AVEN: variants seen among roughly 807,000 people sequenced by gnomAD.
The protein encoded by AVEN is cell death regulator Aven.
A neutral mutation model predicts 38.1 loss-of-function variants in AVEN; 41 were observed. That is an observed-to-expected ratio of 1.08 (90% CI 0.84 to 1.40). AVEN has a LOEUF of 1.40. Among genes scored for constraint, AVEN ranks in the 40% most tolerant of loss-of-function variants. AVEN has a pLI of 0.00. For missense variants in AVEN, 605 were observed against 438.8 expected (o/e 1.38, Z -3.38); for synonymous variants, 206 against 171.8 (o/e 1.20, Z -1.56).
Position 33,867,602 on chromosome 15 carries a change from A to C in AVEN, c.866T>G (p.Leu289Trp), listed in dbSNP as rs1176455378. The C allele has an allele frequency of 1.2e-6, 2 of 1,614,212 alleles. No individual in the cohort carries two copies. The highest frequency in any genetic ancestry group is 4.5e-5 in the East Asian group (2 of 44,882). The change falls in exon 5 of 6, where the codon TTG becomes TGG. Residue 289 changes from leucine (L) to tryptophan (W), a missense_variant. Transcript: ENST00000306730. ...TTTTATAGGTGCATCTAAATTAAGC[A>C]ACAGATCTAGTTCTTCTTCCAAATG... ...GDHLEEELDL[L>W]LNLDAPIKEG...
intron 2 of AVEN, among the ~76,000 whole-genome samples, chr15:33,928,112 T>C (rs1893699680): frequency 6.6e-6 from 1 of 152,220 alleles, no homozygotes; most frequent in South Asian, 2.1e-4. Flanking sequence ...AGGCTAAAGA[T>C]TCAGCTCTTT....
chr15:33,990,195 C>T lies in AVEN; in HGVS notation c.445+12837G>A, dbSNP rs570173884. 5.2e-4 allele frequency among the ~76,000 whole-genome samples: 79 copies of T among 151,128 alleles called. 1 individual carries two copies. The highest frequency in any genetic ancestry group is 1.8e-3 in the African/African-American group (74 of 41,090). The stretch of plus-strand genomic sequence containing the variant: ...ATCCAGACTGGGCAACAGGGTGAGA[C>T]TCCGTCTCAAAAAAAAACAAAACAA... On this transcript the variant is annotated intron_variant, in intron 2 of 5. Coordinates refer to ENST00000306730, the MANE Select transcript of AVEN (RefSeq NM_020371.3).
chr15:33,866,502 C>T lies in AVEN; in HGVS notation c.*111G>A, dbSNP rs1890522523. The T allele has an allele frequency of 1.2e-5, 9 of 724,070 alleles. No homozygotes were observed. The highest frequency in any genetic ancestry group is 2.6e-5 in the Admixed American group (1 of 38,912). The allele number at this position is 724,070 out of a possible 1,614,324, so 44.9% of individuals were successfully genotyped here. A position where few individuals can be genotyped will look rare whatever the true frequency, so the allele number is the denominator to read the frequency against. On this transcript the variant is annotated 3_prime_UTR_variant, in exon 6 of 6. Transcript: ENST00000306730. ...ATTTACTGCTGTGAGCATAATGGAA[C>T]ACACTAGCTTGAGACATGCTTGTAA...
chr15:33,861,891 A>G (rs971892721), downstream of AVEN, among the ~76,000 whole-genome samples: 2 of 151,974 alleles, frequency 1.3e-5, no homozygotes, highest in African/African-American at 4.8e-5. Flanking sequence ...TCTCAGTGCT[A>G]GGATTACAGG....
At chr15:33,897,322 G>A (rs1892273746) in intron 2 of AVEN, among the ~76,000 whole-genome samples, 1 of 151,960 alleles carries the variant, frequency 6.6e-6, no homozygotes, top group African/African-American at 2.4e-5. Context: ...TTTTGAGATG[G>A]ACTCACACTC....
At chr15:33,868,076 T>G (rs1438417742) in intron 4 of AVEN, among the ~76,000 whole-genome samples, 1 of 152,134 alleles carries the variant, frequency 6.6e-6, no homozygotes, top group Non-Finnish European at 1.5e-5. Flanking sequence ...GCACTGTGCC[T>G]CCCACTCTCC....
At chr15:34,018,176 T>A in intron 1 of AVEN, 1 of 152,266 alleles carries the variant, frequency 6.6e-6, no homozygotes, top group East Asian at 1.9e-4. Context: ...GAAGGCATTG[T>A]TACATAGGAG....
chr15:33,857,626 G>C (rs538869438), downstream of AVEN, among the ~76,000 whole-genome samples: 1 of 152,078 alleles, frequency 6.6e-6, no homozygotes, highest in Admixed American at 6.5e-5. Context: ...TCTGCTCATG[G>C]CCTGATAGCT....
chr15:33,994,122 A>G (rs540125260), intron 2 of AVEN, among the ~76,000 whole-genome samples: 1 of 152,338 alleles, frequency 6.6e-6, no homozygotes, highest in South Asian at 2.1e-4. Flanking sequence ...ACCGGGCTGC[A>G]TAGCAGGAGG....
At chr15:33,934,861 C>T (rs1230616734) in intron 2 of AVEN, among the ~76,000 whole-genome samples, 1 of 152,192 alleles carries the variant, frequency 6.6e-6, no homozygotes, top group Non-Finnish European at 1.5e-5. Flanking sequence ...TAAATTCTAA[C>T]CTGTTTCCTC....
intron 5 of AVEN, among the ~76,000 whole-genome samples, chr15:34,055,527 C>T (rs1900107321): frequency 6.6e-6 from 1 of 151,082 alleles, no homozygotes; most frequent in South Asian, 2.1e-4. Context: ...ATAGGCTGGG[C>T]ACAGTGGCTC....
chr15:34,003,568 T>G (rs1017522272), intron 1 of AVEN, among the ~76,000 whole-genome samples: 1 of 152,214 alleles, frequency 6.6e-6, no homozygotes, highest in Non-Finnish European at 1.5e-5. Flanking sequence ...AACTCTCCCT[T>G]TCAATTTATG....
At chr15:34,015,478 T>A (rs1043168635) in intron 1 of AVEN, among the ~76,000 whole-genome samples, 1 of 149,178 alleles carries the variant, frequency 6.7e-6, no homozygotes, top group Non-Finnish European at 1.5e-5. Context: ...CGAGACTCCA[T>A]CTCAAAAAAT....
intron 2 of AVEN, among the ~76,000 whole-genome samples, chr15:33,961,812 CAAAAAAAAAAAAAAAAAAAA>C (rs138076873): frequency 1.4e-5 from 1 of 71,966 alleles, no homozygotes; most frequent in Non-Finnish European, 2.4e-5. Context: ...GACTCTGTCT[CAAAAAAAAAAAAAAAAAAAA>C]AAAAAAGAAA....
chr15:34,035,666 A>G (rs1016013480), intron 1 of AVEN, among the ~76,000 whole-genome samples: 1 of 152,232 alleles, frequency 6.6e-6, no homozygotes, highest in African/African-American at 2.4e-5. Flanking sequence ...GAGGAAGGAA[A>G]AAAGAAAAAA....
intron 1 of AVEN, among the ~76,000 whole-genome samples, chr15:34,029,568 T>C (rs1258837317): frequency 2.0e-5 from 3 of 150,476 alleles, no homozygotes; most frequent in Non-Finnish European, 3.0e-5. Flanking sequence ...TTTAAAACTT[T>C]AGGAGTTGTT....
At chr15:33,943,232 C>T (rs1894381757) in intron 2 of AVEN, among the ~76,000 whole-genome samples, 2 of 152,118 alleles carry the variant, frequency 1.3e-5, no homozygotes, top group South Asian at 4.1e-4. Context: ...AATGGATAAA[C>T]AAAATGTGGT....
Position 34,035,655 on chromosome 15 carries a change from A to T in AVEN, c.267+3125T>A, listed in dbSNP as rs1899080924. 2.0e-5 allele frequency among the ~76,000 whole-genome samples: 3 copies of T among 152,232 alleles called. No homozygotes were observed. In the East Asian group the frequency reaches 5.8e-4, roughly 29 times the overall value. ...ACAAATGTGAATTACTGTTATTACT[A>T]GAGGAAGGAAAAAAGAAAAAAAATT... On this transcript the variant is annotated intron_variant, in intron 1 of 5. Transcript: ENST00000306730.
rs17236665 is a variant in AVEN, at chr15:33,888,398, C to A, written c.446-12403G>T. ...CTAGGAGAAGTGACACCTGATCCGA[C>A]GGAAAACAAAGAGCTGCCCAGGCAA... is the stretch of plus-strand genomic sequence containing the variant. On this transcript the variant is annotated intron_variant, in intron 2 of 5. Transcript: ENST00000306730. Among the ~76,000 whole-genome samples, 1,118 of 151,920 alleles carry A rather than the reference C, an allele frequency of 7.4e-3. 13 individuals are homozygous for A. The highest frequency in any genetic ancestry group is 0.024 in the African/African-American group (1,005 of 41,430).
Sources: gnomAD v4.1 joint callset for allele counts (sites outside exome capture counted in the v4.1 genomes callset) on GRCh38, gnomAD v4.1.1 for gene constraint, MANE v1.5 for transcripts, NCBI Gene and HGNC (gene_info 2026-07-23, HGNC 2026-07-21) for gene names.